GALNTL6: variants seen among roughly 807,000 people sequenced by gnomAD.
GALNTL6 encodes polypeptide N-acetylgalactosaminyltransferase-like 6.
GALNTL6 carries 46 observed loss-of-function variants against 73.7 expected under a neutral mutation model. That is an observed-to-expected ratio of 0.62 (90% CI 0.49 to 0.80). The LOEUF (loss-of-function observed/expected upper bound fraction) is 0.80. Among genes scored for constraint, GALNTL6 ranks in the 30% least tolerant of loss-of-function variants. GALNTL6 has a pLI of 0.00. For missense variants in GALNTL6, 604 were observed against 755.0 expected, an observed-to-expected ratio of 0.80 and a Z score of 2.34; for synonymous variants, 259 against 263.7, an observed-to-expected ratio of 0.98 and a Z score of 0.17.
In GALNTL6 at chr4:172,931,265, A is replaced by G. The variant is rs1332102154; in HGVS notation, c.1146A>G (p.Ala382=). The G allele has an allele frequency of 1.9e-6, 3 of 1,552,210 alleles. No homozygotes were observed. The highest frequency in any genetic ancestry group is 2.7e-6 in the Non-Finnish European group (3 of 1,123,552). Residue 382 remains alanine, a synonymous_variant, in exon 9 of 13, where the codon GCA becomes GCG. Transcript: ENST00000506823. ...AAGTTCCATCTGGGACAAGCCTGGC[A>G]AGAGTGAGTAACTCAGCATCAGAAC... The part of the protein sequence containing the change: ...PYKVPSGTSL[A]RNLKRVAETW...
At chr4:172,336,466 C>T (rs186907723) in intron 4 of GALNTL6, among the ~76,000 whole-genome samples, 3,852 of 149,248 alleles carry the variant, frequency 0.026, 134 homozygotes, top group African/African-American at 0.083. Context: ...AAGTAGAGAC[C>T]GGGTTTCACC....
intron 5 of GALNTL6, among the ~76,000 whole-genome samples, chr4:172,678,029 TTA>T (rs5864152): frequency 0.42 from 64,240 of 151,898 alleles, 15,805 homozygotes; most frequent in East Asian, 0.68. Context: ...CAGCTTTATG[TTA>T]TGTTTTGTCT....
At chr4:171,820,278 G>A (rs1421432080) in intron 2 of GALNTL6, among the ~76,000 whole-genome samples, 2 of 152,156 alleles carry the variant, frequency 1.3e-5, no homozygotes, top group African/African-American at 4.8e-5. Context: ...CAGAAAGAGG[G>A]TGAACAAATA....
intron 4 of GALNTL6, among the ~76,000 whole-genome samples, chr4:172,340,229 C>A (rs949670601): frequency 1.6e-4 from 25 of 152,190 alleles, no homozygotes; most frequent in Middle Eastern, 3.4e-3. Context: ...CAAATACTTT[C>A]TCTGCATCTA....
intron 4 of GALNTL6, among the ~76,000 whole-genome samples, chr4:172,330,628 G>A (rs1038300108): frequency 2.6e-5 from 4 of 152,076 alleles, no homozygotes; most frequent in Admixed American, 6.5e-5. Flanking sequence ...TTGTTTTATC[G>A]CTCATTTTAA....
chr4:172,346,992 T>TC (rs1408320287), intron 4 of GALNTL6, among the ~76,000 whole-genome samples: 5 of 144,608 alleles, frequency 3.5e-5, no homozygotes, highest in African/African-American at 1.3e-4. Context: ...TTCTTTCTTT[T>TC]TTTTTTTTTT....
chr4:171,826,143 T>G (rs1734818707), intron 2 of GALNTL6, among the ~76,000 whole-genome samples: 1 of 152,202 alleles, frequency 6.6e-6, no homozygotes, highest in Non-Finnish European at 1.5e-5. Context: ...TTTTGGAAAC[T>G]GCTTTTTCCA....
intron 2 of GALNTL6, among the ~76,000 whole-genome samples, chr4:171,967,613 G>A (rs1245786630): frequency 6.6e-6 from 1 of 151,574 alleles, no homozygotes; most frequent in Non-Finnish European, 1.5e-5. Flanking sequence ...TTATTATTTG[G>A]CAATACTTAC....
chr4:172,366,813 C>T (rs1462842428), intron 5 of GALNTL6, among the ~76,000 whole-genome samples: 1 of 152,140 alleles, frequency 6.6e-6, no homozygotes, highest in Non-Finnish European at 1.5e-5. Flanking sequence ...CTGACTATTT[C>T]CTTGTCCAAA....
intron 5 of GALNTL6, among the ~76,000 whole-genome samples, chr4:172,375,650 C>T (rs913480774): frequency 7.9e-5 from 12 of 152,168 alleles, no homozygotes; most frequent in African/African-American, 2.7e-4. Flanking sequence ...CACTCACTGA[C>T]GCAGCAGCAG....
intron 10 of GALNTL6, among the ~76,000 whole-genome samples, chr4:172,961,029 C>T (rs537547972): frequency 1.6e-4 from 14 of 88,046 alleles, no homozygotes; most frequent in South Asian, 9.5e-4. Flanking sequence ...ACCAGAAAAG[C>T]GGAGAAGGGG....
chr4:172,595,078 A>T (rs1737802567), intron 5 of GALNTL6, among the ~76,000 whole-genome samples: 1 of 152,152 alleles, frequency 6.6e-6, no homozygotes, highest in African/African-American at 2.4e-5. Flanking sequence ...TCTCTTTTAT[A>T]AGTGCACTAA....
At chr4:172,136,024 T>A (rs1050665561) in intron 2 of GALNTL6, among the ~76,000 whole-genome samples, 1 of 152,140 alleles carries the variant, frequency 6.6e-6, no homozygotes, top group Non-Finnish European at 1.5e-5. Context: ...CCACTTCTTG[T>A]TTTTAGTTAG....
chr4:172,830,853 T>A (rs1359005526), intron 7 of GALNTL6, among the ~76,000 whole-genome samples: 1 of 152,062 alleles, frequency 6.6e-6, no homozygotes, highest in African/African-American at 2.4e-5. Context: ...AAAGTAGATA[T>A]GAACAGAAAA....
intron 8 of GALNTL6, among the ~76,000 whole-genome samples, chr4:172,901,594 A>G (rs925716112): frequency 2.4e-4 from 37 of 152,286 alleles, no homozygotes; most frequent in African/African-American, 8.7e-4. Flanking sequence ...GGTCATTATC[A>G]TGCATCTTTG....
At position 172,409,677 on chromosome 4, in the gene GALNTL6, C is replaced by T. The variant is rs182175423; in HGVS notation, c.553+60988C>T. On this transcript the variant is annotated intron_variant, in intron 5 of 12. Transcript: ENST00000506823. ...AGTAGAAAAATTTTATTTGAGGTTA[C>T]ATTCCATCTTTCCATATACATTTCC... 7.8e-4 allele frequency among the ~76,000 whole-genome samples: 119 copies of T among 152,134 alleles called. 1 individual carries two copies. In the South Asian group the frequency reaches 0.016, roughly 21 times the overall value.
At chr4:172,149,340 G>A (rs1734006576) in intron 2 of GALNTL6, among the ~76,000 whole-genome samples, 1 of 152,194 alleles carries the variant, frequency 6.6e-6, no homozygotes, top group Non-Finnish European at 1.5e-5. Context: ...CAATGAGAGT[G>A]TTACATTGTA....
intron 4 of GALNTL6, among the ~76,000 whole-genome samples, chr4:172,344,900 G>T (rs1411753291): frequency 6.6e-6 from 1 of 152,120 alleles, no homozygotes; most frequent in African/African-American, 2.4e-5. Flanking sequence ...TGTCTCTTCT[G>T]CAGTTCCTGT....
At chr4:172,682,832 C>T (rs947030723) in intron 5 of GALNTL6, among the ~76,000 whole-genome samples, 2 of 151,930 alleles carry the variant, frequency 1.3e-5, no homozygotes, top group African/African-American at 4.8e-5. Flanking sequence ...CCTGAATGTG[C>T]TCCCCATGAG....
Sources: allele counts gnomAD v4.1 joint callset (sites outside exome capture counted in the v4.1 genomes callset), GRCh38; gene constraint gnomAD v4.1.1; transcripts MANE v1.5; gene names NCBI Gene and HGNC (gene_info 2026-07-23, HGNC 2026-07-21).